The following RSRP1 variants were observed in gnomAD, a reference collection of about 807,000 sequenced individuals.
RSRP1 encodes the protein arginine and serine rich protein 1, also known as arginine/serine-rich protein 1.
In RSRP1, 37 loss-of-function variants were observed where a neutral mutation model predicts 33.0. The observed-to-expected ratio is 1.12, with a 90% CI of 0.86 to 1.48. The LOEUF is 1.48. Ranked by LOEUF, RSRP1 falls within the 40% of genes most tolerant of loss-of-function variation. The probability of loss-of-function intolerance (pLI) is 0.00; values close to 1 mark genes in which losing one functional copy is unlikely to be tolerated. For missense variants in RSRP1, 402 were observed against 385.3 expected (o/e 1.04, Z -0.36); for synonymous variants, 167 against 158.7 (o/e 1.05, Z -0.40).
chr1:25,337,852 G>A (rs1298391649), intron 1 of RSRP1: 1 of 150,748 alleles, frequency 6.6e-6, no homozygotes, highest in Non-Finnish European at 1.5e-5. Flanking sequence ...GGAAGTCCCC[G>A]CCTCCTGGAG....
At position 25,267,913 on chromosome 1, in the gene RSRP1, G is replaced by C. The variant is rs933187727; in HGVS notation, c.-66-20884C>G. 6 of 132,832 alleles carry C rather than the reference G, an allele frequency of 4.5e-5. 1 individual carries two copies. Among genetic ancestry groups the C allele is most frequent in the African/African-American group, 1.5e-4 (6 of 38,886 alleles). 8.2% of individuals were successfully genotyped at this position (132,832 alleles called of 1,614,324 possible). On this transcript the variant is annotated intron_variant, in intron 1 of 1. Coordinates refer to the RSRP1 transcript ENST00000561867. ...TGAACCCAGCGCCCGGGCATGCGCAGACGCGTTGTTGTGGTGGGCGTGGCT... is the reference window on the plus strand; with the variant it reads ...TGAACCCAGCGCCCGGGCATGCGCACACGCGTTGTTGTGGTGGGCGTGGCT...
intron 1 of RSRP1, among the ~76,000 whole-genome samples, chr1:25,272,888 T>C (rs1471887531): frequency 7.6e-6 from 1 of 132,104 alleles, no homozygotes; most frequent in Non-Finnish European, 1.8e-5. Flanking sequence ...AGCCTGGGCA[T>C]GCCCTCTTCT....
rs1428934343 is a variant in RSRP1 at position 25,316,259 on chromosome 1, G to A, written c.-67+21719C>T. On this transcript the variant is annotated intron_variant, in intron 1 of 1. Transcript: ENST00000561867. ...ATGGGCAGGGGAGATGGGTCTGAAA[G>A]CCAAGCTCTACCCCACCCACCTTGC... Among the ~76,000 whole-genome samples, 5 of 129,596 alleles carry A rather than the reference G, an allele frequency of 3.9e-5. 1 individual carries two copies. The allele number at this position is 129,596 out of a possible 152,430, so 85.0% of individuals were successfully genotyped here.
intron 1 of RSRP1, among the ~76,000 whole-genome samples, chr1:25,261,247 GA>G (rs1240860022): frequency 3.3e-5 from 5 of 152,136 alleles, no homozygotes; most frequent in Non-Finnish European, 7.3e-5. Context: ...GAATCTGAGG[GA>G]GATCAATTCA....
At chr1:25,305,403 T>C (rs1643727460) in intron 1 of RSRP1, among the ~76,000 whole-genome samples, 1 of 125,652 alleles carries the variant, frequency 8.0e-6, no homozygotes, top group South Asian at 2.4e-4. Flanking sequence ...TTTATTTATT[T>C]ATTTATTTAT....
At chr1:25,254,648 C>G (rs1441805907) in intron 1 of RSRP1, among the ~76,000 whole-genome samples, 1 of 152,072 alleles carries the variant, frequency 6.6e-6, no homozygotes, top group African/African-American at 2.4e-5. Context: ...GTTGACCAGG[C>G]TGGTCTCGAA....
intron 1 of RSRP1, among the ~76,000 whole-genome samples, chr1:25,274,749 GT>G (rs1640796150): frequency 7.5e-6 from 1 of 134,062 alleles, no homozygotes; most frequent in African/African-American, 2.5e-5. Context: ...GCTCACGCCT[GT>G]AATCCCGGCA....
rs184989929 is a variant in RSRP1, at chr1:25,302,602, G to A, written c.-67+35376C>T. On this transcript the variant is annotated intron_variant, in intron 1 of 1. Transcript: ENST00000561867. ...CAGATAAGAGCAAGGCAAGGCTCCG[G>A]TTCTGGAGCAGTGAAGGACATAGCA... Among the ~76,000 whole-genome samples the A allele has an allele frequency of 8.6e-3, 1,114 of 130,016 alleles. 174 individuals are homozygous for A. Among genetic ancestry groups the A allele is most frequent in the African/African-American group, 0.027 (1,015 of 37,686 alleles). 85.3% of individuals were successfully genotyped at this position (130,016 alleles called of 152,430 possible). A position where few individuals can be genotyped will look rare whatever the true frequency, so the allele number is the denominator to read the frequency against.
Position 25,286,735 on chromosome 1 carries a change from G to A in RSRP1, c.-66-39706C>T, listed in dbSNP as rs546269681. Among the ~76,000 whole-genome samples, 5 of 132,574 alleles carry A rather than the reference G, an allele frequency of 3.8e-5. No homozygotes were observed. In the South Asian group the frequency reaches 8.8e-4, roughly 23 times the overall value. The allele number at this position is 132,574 out of a possible 152,430, so 87.0% of individuals were successfully genotyped here. ...CGGGAGGCGGAGTTTGCAGTGAACC[G>A]AGATGGTGCCACTGCACTCCAGCCT... On this transcript the variant is annotated intron_variant, in intron 1 of 1. Transcript: ENST00000561867.
At chr1:25,244,837 CCAT>C (rs2124532313) in intron 3 of RSRP1, 1 of 951,516 alleles carries the variant, frequency 1.1e-6, no homozygotes, top group East Asian at 5.6e-5. Flanking sequence ...GCATGCACCA[CCAT>C]GCCTGGCTAA....
Position 25,320,922 on chromosome 1 carries a change from T to G in RSRP1, c.-67+17056A>C, listed in dbSNP as rs1644662933. ...AGCTGGATATGGTAGCACACACCTG[T>G]GGTCCCAGCTACTTGGGAGGCTGAG... On this transcript the variant is annotated intron_variant, in intron 1 of 1. Coordinates refer to the RSRP1 transcript ENST00000561867. Among the ~76,000 whole-genome samples, 2 of 131,462 alleles carry G rather than the reference T, an allele frequency of 1.5e-5. 1 individual carries two copies. Among genetic ancestry groups the G allele is most frequent in the Non-Finnish European group, 3.6e-5 (2 of 55,504 alleles). The allele number at this position is 131,462 out of a possible 152,430, so 86.2% of individuals were successfully genotyped here.
chr1:25,269,366 T>C lies in RSRP1; in HGVS notation c.-66-22337A>G, dbSNP rs1640424729. 1.5e-5 allele frequency among the ~76,000 whole-genome samples: 2 copies of C among 132,860 alleles called. 1 individual carries two copies. Among genetic ancestry groups the C allele is most frequent in the African/African-American group, 5.1e-5 (2 of 38,898 alleles). The allele number at this position is 132,860 out of a possible 152,430, so 87.2% of individuals were successfully genotyped here. On this transcript the variant is annotated intron_variant, in intron 1 of 1. Coordinates refer to the RSRP1 transcript ENST00000561867. ...TGTTGCTTTCGCGCCATCATAAAGT[T>C]GAAAAGCGTTAAGTCAAACCATCGT...
upstream of RSRP1, among the ~76,000 whole-genome samples, chr1:25,251,174 C>T (rs1402818694): frequency 6.6e-6 from 1 of 152,034 alleles, no homozygotes; most frequent in African/African-American, 2.4e-5. Context: ...CATGGATGAG[C>T]TAGTGTTGGG....
rs1382382148 is a variant in RSRP1 at position 25,281,528 on chromosome 1, A to G, written c.-66-34499T>C. ...TCTGAAGTGGGGCATGCAGTCTCCA[A>G]CTGAACACAAGCCTCACTGCTCCCG... On this transcript the variant is annotated intron_variant, in intron 1 of 1. Coordinates refer to the RSRP1 transcript ENST00000561867. Among the ~76,000 whole-genome samples the G allele has an allele frequency of 3.0e-5, 4 of 132,006 alleles. 1 individual carries two copies. The highest frequency in any genetic ancestry group is 5.4e-5 in the Non-Finnish European group (3 of 55,830). The allele number at this position is 132,006 out of a possible 152,430, so 86.6% of individuals were successfully genotyped here.
At chr1:25,261,977 G>A (rs1177171945) in intron 1 of RSRP1, among the ~76,000 whole-genome samples, 4 of 152,080 alleles carry the variant, frequency 2.6e-5, no homozygotes, top group Non-Finnish European at 4.4e-5. Context: ...CTCCCAAAGT[G>A]CTGGGATTAC....
At chr1:25,268,710 G>A (rs1422487404) in intron 1 of RSRP1, among the ~76,000 whole-genome samples, 1 of 129,938 alleles carries the variant, frequency 7.7e-6, no homozygotes, top group East Asian at 2.0e-4. Flanking sequence ...CACTTTGGGA[G>A]GTTGAGGTGG....
At chr1:25,275,548 C>T (rs1640891981) in intron 1 of RSRP1, among the ~76,000 whole-genome samples, 1 of 131,338 alleles carries the variant, frequency 7.6e-6, no homozygotes, top group South Asian at 2.3e-4. Flanking sequence ...GGTGTACACA[C>T]GATTTTTTGA....
intron 1 of RSRP1, among the ~76,000 whole-genome samples, chr1:25,255,213 A>G (rs540285177): frequency 6.6e-6 from 1 of 152,288 alleles, no homozygotes; most frequent in South Asian, 2.1e-4. Flanking sequence ...AATACTATAG[A>G]AGGCTAAGTT....
In RSRP1 at chr1:25,280,857, C is replaced by G. The variant is rs201507704; in HGVS notation, c.-66-33828G>C. On this transcript the variant is annotated intron_variant, in intron 1 of 1. Transcript: ENST00000561867. ...AACTCCTCAGCTCAAGCAATCCTCC[C>G]TCCTTGGCCTCCCAAAGTGCTGGGA... Among the ~76,000 whole-genome samples the G allele has an allele frequency of 2.3e-5, 3 of 132,116 alleles. 1 individual carries two copies. The East Asian group carries it at 5.9e-4, about 26-fold the overall frequency. 86.7% of individuals were successfully genotyped at this position (132,116 alleles called of 152,430 possible).
Sources: gnomAD v4.1 joint callset for allele counts (sites outside exome capture counted in the v4.1 genomes callset) on GRCh38, gnomAD v4.1.1 for gene constraint, MANE v1.5 for transcripts, NCBI Gene and HGNC (gene_info 2026-07-23, HGNC 2026-07-21) for gene names.